CCSER1: variants seen among roughly 807,000 people sequenced by gnomAD.
The protein encoded by CCSER1 is coiled-coil serine rich protein 1, also known as serine-rich coiled-coil domain-containing protein 1.
Under a neutral mutation model 82.0 loss-of-function variants are expected in CCSER1, and 41 were observed. That is an observed-to-expected ratio of 0.50 (90% CI 0.39 to 0.65). CCSER1 has a LOEUF of 0.65. Ranked by LOEUF, CCSER1 falls within the 30% of genes least tolerant of loss-of-function variation. CCSER1 has a pLI of 0.00. For synonymous variants in CCSER1, 414 were observed against 383.9 expected, an observed-to-expected ratio of 1.08 and a Z score of -0.92; for missense variants, 1,119 against 1,064.2, an observed-to-expected ratio of 1.05 and a Z score of -0.72.
intron 6 of CCSER1, among the ~76,000 whole-genome samples, chr4:90,703,068 G>T (rs1373839075): frequency 6.6e-6 from 1 of 152,212 alleles, no homozygotes. Flanking sequence ...TGATGTTAGG[G>T]TGTCAATTTT....
intron 10 of CCSER1, among the ~76,000 whole-genome samples, chr4:91,220,484 C>G (rs935219058): frequency 6.6e-6 from 1 of 152,050 alleles, no homozygotes; most frequent in Non-Finnish European, 1.5e-5. Context: ...AGCTAGAATA[C>G]AATGAAGGTT....
chr4:90,576,188 A>G (rs1780744770), intron 5 of CCSER1, among the ~76,000 whole-genome samples: 1 of 151,952 alleles, frequency 6.6e-6, no homozygotes, highest in African/African-American at 2.4e-5. Context: ...ACTTTTCAAT[A>G]TTTACTAATG....
chr4:90,684,142 G>A (rs113434728), intron 6 of CCSER1, among the ~76,000 whole-genome samples: 62 of 152,194 alleles, frequency 4.1e-4, no homozygotes, highest in African/African-American at 1.4e-3. Context: ...TGTTATCATA[G>A]TTACAGTTTT....
chr4:91,234,594 A>G (rs1408143002), intron 10 of CCSER1, among the ~76,000 whole-genome samples: 2 of 152,104 alleles, frequency 1.3e-5, no homozygotes, highest in Non-Finnish European at 2.9e-5. Context: ...ATATGAGACT[A>G]TACAGTTTTG....
intron 4 of CCSER1, among the ~76,000 whole-genome samples, chr4:90,410,743 C>A (rs1344932687): frequency 2.0e-5 from 3 of 152,056 alleles, no homozygotes; most frequent in Admixed American, 6.6e-5. Flanking sequence ...ACACATTCAA[C>A]AGCTAGGAGA....
At chr4:90,359,825 G>A (rs918834609) in intron 3 of CCSER1, among the ~76,000 whole-genome samples, 1 of 150,382 alleles carries the variant, frequency 6.6e-6, no homozygotes. Flanking sequence ...ATATAGATAT[G>A]TGTATATATA....
chr4:90,778,197 G>C (rs1277627266), intron 7 of CCSER1, among the ~76,000 whole-genome samples: 4 of 152,054 alleles, frequency 2.6e-5, no homozygotes, highest in African/African-American at 9.7e-5. Flanking sequence ...AGCTATGATT[G>C]CAAGTAGTAG....
intron 9 of CCSER1, among the ~76,000 whole-genome samples, chr4:90,967,941 C>A (rs768649147): frequency 3.3e-5 from 5 of 152,024 alleles, no homozygotes; most frequent in African/African-American, 4.8e-5. Context: ...CAGCATCACC[C>A]CTTTTCCCAA....
chr4:90,209,219 G>A (rs1415058778), intron 1 of CCSER1, among the ~76,000 whole-genome samples: 2 of 152,124 alleles, frequency 1.3e-5, no homozygotes, highest in African/African-American at 4.8e-5. Flanking sequence ...TGGCGGTATG[G>A]GTGTGGAAAT....
chr4:91,124,261 G>C (rs187427362), intron 10 of CCSER1, among the ~76,000 whole-genome samples: 6 of 151,834 alleles, frequency 4.0e-5, no homozygotes, highest in Non-Finnish European at 8.9e-5. Context: ...CTTTAGAAGA[G>C]AGTTACATCT....
chr4:91,382,101 A>G (rs144559795), intron 10 of CCSER1, among the ~76,000 whole-genome samples: 2,987 of 152,240 alleles, frequency 0.02, 76 homozygotes, highest in African/African-American at 0.067. Context: ...GTTGCTGCCT[A>G]GTCGTTCCTC....
At chr4:91,107,412 G>A (rs560805215) in intron 10 of CCSER1, among the ~76,000 whole-genome samples, 34 of 152,054 alleles carry the variant, frequency 2.2e-4, no homozygotes, top group African/African-American at 7.5e-4. Context: ...ATGCTACCAC[G>A]CCTGGCTAAT....
chr4:90,823,250 T>TC (rs1488845232), intron 8 of CCSER1, among the ~76,000 whole-genome samples: 3 of 151,954 alleles, frequency 2.0e-5, no homozygotes, highest in Admixed American at 6.6e-5. Flanking sequence ...CACACATTTT[T>TC]CCCCACACAC....
At chr4:91,420,405 A>G (rs184965329) in intron 10 of CCSER1, among the ~76,000 whole-genome samples, 2 of 152,162 alleles carry the variant, frequency 1.3e-5, no homozygotes, top group African/African-American at 2.4e-5. Flanking sequence ...TTTTCCAAAG[A>G]AGACATAAAA....
intron 10 of CCSER1, among the ~76,000 whole-genome samples, chr4:91,346,406 C>T (rs1302670174): frequency 1.3e-5 from 2 of 152,036 alleles, no homozygotes; most frequent in South Asian, 2.1e-4. Context: ...TTGGATGGTT[C>T]CGAATTATGG....
intron 10 of CCSER1, among the ~76,000 whole-genome samples, chr4:91,523,421 G>T (rs1205575481): frequency 6.6e-6 from 1 of 152,022 alleles, no homozygotes; most frequent in African/African-American, 2.4e-5. Context: ...CTCTTTTTCT[G>T]TTGACTGGCA....
intron 1 of CCSER1, among the ~76,000 whole-genome samples, chr4:90,134,520 T>C (rs1282807860): frequency 1.3e-5 from 2 of 152,234 alleles, no homozygotes; most frequent in African/African-American, 2.4e-5. Flanking sequence ...CACTGAACTC[T>C]TTAATGAAAA....
intron 1 of CCSER1, among the ~76,000 whole-genome samples, chr4:90,137,547 G>C (rs1206159902): frequency 6.6e-6 from 1 of 152,196 alleles, no homozygotes; most frequent in Non-Finnish European, 1.5e-5. Flanking sequence ...AGGTTCATTG[G>C]ACGGTGATAT....
At chr4:90,326,132 C>T (rs1738149067) in intron 3 of CCSER1, among the ~76,000 whole-genome samples, 1 of 146,578 alleles carries the variant, frequency 6.8e-6, no homozygotes. Context: ...AATCTCGGCT[C>T]ACTGCAAGCT....
Sources: gnomAD v4.1 joint callset for allele counts (sites outside exome capture counted in the v4.1 genomes callset) on GRCh38, gnomAD v4.1.1 for gene constraint, MANE v1.5 for transcripts, NCBI Gene and HGNC (gene_info 2026-07-23, HGNC 2026-07-21) for gene names.